RANBP2: variants seen among roughly 807,000 people sequenced by gnomAD.
RANBP2 encodes the protein RAN binding protein 2, also known as E3 SUMO-protein ligase RanBP2.
A neutral mutation model predicts 303.6 loss-of-function variants in RANBP2; 57 were observed. The observed-to-expected ratio is 0.19, with a 90% CI of 0.15 to 0.23. The LOEUF is 0.23. RANBP2 is among the 10% of genes least tolerant of loss of function. The probability of loss-of-function intolerance (pLI) is 1.00; values close to 1 mark genes in which losing one functional copy is unlikely to be tolerated. For synonymous variants in RANBP2, 1,167 were observed against 1,301.5 expected (o/e 0.90, Z 2.23); for missense variants, 3,138 against 3,780.8 (o/e 0.83, Z 4.46).
chr2:109,483,494 G>C, the RANBP2 span, among the ~76,000 whole-genome samples: 1 of 152,174 alleles, frequency 6.6e-6, no homozygotes, highest in South Asian at 2.1e-4. Context: ...CCTTCCGCCT[G>C]TTTTCCTGAC....
chr2:109,765,558 C>A, the RANBP2 span, among the ~76,000 whole-genome samples: 1 of 150,090 alleles, frequency 6.7e-6, no homozygotes, highest in Non-Finnish European at 1.5e-5. Flanking sequence ...ATGGGCACAT[C>A]CTGTTGAAAG....
At chr2:109,388,334 G>T in the RANBP2 span, among the ~76,000 whole-genome samples, 1 of 152,134 alleles carries the variant, frequency 6.6e-6, no homozygotes. Flanking sequence ...TGTGAACATG[G>T]AACACATCCT....
the RANBP2 span, among the ~76,000 whole-genome samples, chr2:109,006,443 C>G: frequency 6.6e-6 from 1 of 152,156 alleles, no homozygotes; most frequent in Non-Finnish European, 1.5e-5. Flanking sequence ...ATCCGCCCGC[C>G]TCGGCCTCCC....
At chr2:109,706,572 C>G in the RANBP2 span, among the ~76,000 whole-genome samples, 1 of 152,230 alleles carries the variant, frequency 6.6e-6, no homozygotes, top group Non-Finnish European at 1.5e-5. Flanking sequence ...TCCCATGGCA[C>G]CAATTCCCTC....
the RANBP2 span, chr2:108,791,537 C>A: frequency 3.0e-6 from 3 of 991,570 alleles, no homozygotes; most frequent in Non-Finnish European, 4.7e-6. Context: ...TTTCTTTTTA[C>A]ATGTTTACAT....
chr2:109,017,326 C>G, the RANBP2 span, among the ~76,000 whole-genome samples: 1 of 152,254 alleles, frequency 6.6e-6, no homozygotes, highest in Non-Finnish European at 1.5e-5. Flanking sequence ...CTCTTTGATA[C>G]GATCCTGAGG....
At chr2:109,632,089 G>T in the RANBP2 span, among the ~76,000 whole-genome samples, 2 of 152,144 alleles carry the variant, frequency 1.3e-5, no homozygotes, top group Non-Finnish European at 2.9e-5. Flanking sequence ...CCCAGTAAAA[G>T]CTCTAGAACC....
the RANBP2 span, among the ~76,000 whole-genome samples, chr2:109,168,732 G>A: frequency 6.6e-6 from 1 of 152,166 alleles, no homozygotes; most frequent in East Asian, 1.9e-4. Context: ...GCTTCTGAGA[G>A]GCCATCAGCA....
At chr2:109,294,574 T>G in the RANBP2 span, among the ~76,000 whole-genome samples, 1 of 134,966 alleles carries the variant, frequency 7.4e-6, no homozygotes, top group African/African-American at 2.9e-5. Context: ...AAAAAAAAAT[T>G]AATTAAAAAA....
chr2:109,404,976 C>T, the RANBP2 span, among the ~76,000 whole-genome samples: 1 of 151,784 alleles, frequency 6.6e-6, no homozygotes, highest in African/African-American at 2.4e-5. Flanking sequence ...CCTGCCAGAC[C>T]CTCTTTCTAA....
chr2:109,245,114 A>C, the RANBP2 span, among the ~76,000 whole-genome samples: 47 of 152,254 alleles, frequency 3.1e-4, no homozygotes, highest in Middle Eastern at 3.4e-3. Flanking sequence ...AGCAGATAGA[A>C]TGAGAGCCCC....
At chr2:108,958,775 T>G in the RANBP2 span, among the ~76,000 whole-genome samples, 2 of 152,100 alleles carry the variant, frequency 1.3e-5, no homozygotes, top group Non-Finnish European at 2.9e-5. Context: ...TTGTTGAATG[T>G]TGTGACTGGA....
chr2:109,032,942 CAA>C, the RANBP2 span, among the ~76,000 whole-genome samples: 3 of 152,192 alleles, frequency 2.0e-5, no homozygotes, highest in Non-Finnish European at 1.5e-5. Flanking sequence ...CCTGGATTTT[CAA>C]AGAGGCCTCA....
intron 23 of RANBP2, among the ~76,000 whole-genome samples, chr2:108,774,075 A>G (rs1248102888): frequency 6.6e-6 from 1 of 152,186 alleles, no homozygotes; most frequent in East Asian, 1.9e-4. Flanking sequence ...TTTTGTCAAA[A>G]ATTTTTAACT....
At chr2:109,065,487 C>T in the RANBP2 span, among the ~76,000 whole-genome samples, 1 of 152,138 alleles carries the variant, frequency 6.6e-6, no homozygotes, top group African/African-American at 2.4e-5. Flanking sequence ...GGAATCAGCC[C>T]TCGTTCAGCC....
the RANBP2 span, among the ~76,000 whole-genome samples, chr2:109,288,286 A>C: frequency 6.6e-6 from 1 of 152,246 alleles, no homozygotes; most frequent in Non-Finnish European, 1.5e-5. Flanking sequence ...TTGCTTTTGC[A>C]TAACTCCTTT....
the RANBP2 span, among the ~76,000 whole-genome samples, chr2:109,318,474 T>A: frequency 2.0e-5 from 3 of 152,184 alleles, no homozygotes; most frequent in Non-Finnish European, 4.4e-5. Context: ...CATACGCGTT[T>A]ATCTGAGTGA....
chr2:109,074,872 T>C, the RANBP2 span, among the ~76,000 whole-genome samples: 1 of 147,544 alleles, frequency 6.8e-6, no homozygotes, highest in African/African-American at 2.5e-5. Flanking sequence ...AATACAAAAA[T>C]TAGCTGGGCA....
the RANBP2 span, among the ~76,000 whole-genome samples, chr2:108,939,168 C>T: frequency 1.3e-5 from 2 of 151,972 alleles, no homozygotes; most frequent in Non-Finnish European, 2.9e-5. Context: ...ACATGCCACT[C>T]ATCCTTCCAT....
Sources: allele counts gnomAD v4.1 joint callset (sites outside exome capture counted in the v4.1 genomes callset), GRCh38; gene constraint gnomAD v4.1.1; transcripts MANE v1.5; gene names NCBI Gene and HGNC (gene_info 2026-07-23, HGNC 2026-07-21).